Variants in RNF111 observed in about 807,000 individuals in gnomAD.
RNF111 encodes ring finger protein 111, also known as E3 ubiquitin-protein ligase Arkadia.
RNF111 carries 17 observed loss-of-function variants against 95.1 expected under a neutral mutation model. The observed-to-expected ratio is 0.18, with a 90% CI of 0.12 to 0.27. The LOEUF (loss-of-function observed/expected upper bound fraction) is 0.27, where lower values mean the gene tolerates loss of function less well. RNF111 is among the 10% of genes least tolerant of loss of function. RNF111 has a pLI of 1.00. For synonymous variants in RNF111, 440 were observed against 414.8 expected (o/e 1.06, Z -0.74); for missense variants, 1,189 against 1,210.4 (o/e 0.98, Z 0.26).
At chr15:59,018,946 C>G (rs1034835552) in intron 1 of RNF111, among the ~76,000 whole-genome samples, 1 of 151,854 alleles carries the variant, frequency 6.6e-6, no homozygotes, top group East Asian at 1.9e-4. Flanking sequence ...TTTTTTGAGA[C>G]AGCGCCATGC....
At chr15:59,038,973 T>C (rs1330581088) in intron 2 of RNF111, among the ~76,000 whole-genome samples, 1 of 152,164 alleles carries the variant, frequency 6.6e-6, no homozygotes, top group Non-Finnish European at 1.5e-5. Flanking sequence ...AAATATTGAT[T>C]TATTTTTTGA....
chr15:59,047,466 G>T (rs2041766731), intron 2 of RNF111, among the ~76,000 whole-genome samples: 1 of 152,146 alleles, frequency 6.6e-6, no homozygotes, highest in African/African-American at 2.4e-5. Flanking sequence ...TTGTACTCCA[G>T]CCTGGGCATT....
In RNF111 at chr15:58,999,173, A is replaced by G. The variant is rs577040740; in HGVS notation, c.-20+11105A>G. On this transcript the variant is annotated intron_variant, in intron 1 of 13. Coordinates refer to ENST00000348370, the MANE Select transcript of RNF111 (RefSeq NM_017610.8). ...TTTCTTATAATTTAACCAGAACAGC[A>G]TATCATGATAAATGGAATACAGATG... 5.9e-5 allele frequency among the ~76,000 whole-genome samples: 9 copies of G among 152,360 alleles called. No homozygotes were observed. In the South Asian group the frequency reaches 1.9e-3, roughly 32 times the overall value.
At chr15:59,002,758 A>G (rs544677890) in intron 1 of RNF111, among the ~76,000 whole-genome samples, 1 of 152,230 alleles carries the variant, frequency 6.6e-6, no homozygotes, top group South Asian at 2.1e-4. Context: ...TTCTGATGTC[A>G]TTGTGTGCCA....
intron 1 of RNF111, 156 bp downstream of exon 1, chr15:58,988,224 G>C (rs1445546444): frequency 2.0e-5 from 3 of 152,454 alleles, no homozygotes; most frequent in Admixed American, 6.5e-5. Flanking sequence ...GTGACTTAGG[G>C]TCTGGGTCTC....
intron 12 of RNF111, 53 bp downstream of exon 12, chr15:59,091,207 A>AC: frequency 2.1e-6 from 2 of 962,968 alleles, no homozygotes; most frequent in Non-Finnish European, 3.2e-6. Flanking sequence ...GCATAAATGT[A>AC]ATATATACCT....
intron 1 of RNF111, among the ~76,000 whole-genome samples, chr15:59,009,806 A>G (rs1163833873): frequency 6.6e-6 from 1 of 152,064 alleles, no homozygotes; most frequent in Non-Finnish European, 1.5e-5. Context: ...AATTCAAAAA[A>G]TTAGCTGGGC....
rs1350926635 is a variant in RNF111 at position 59,095,760 on chromosome 15, G to T, written c.*860G>T. On this transcript the variant is annotated 3_prime_UTR_variant, in exon 14 of 14. Transcript: ENST00000348370. Reference sequence around the variant, plus strand: ...ACAAAATTTTAGGGAAATTGAAAAAGACATGTAGAATTTGTTGTCTTCTGC... The same window carrying T: ...ACAAAATTTTAGGGAAATTGAAAAATACATGTAGAATTTGTTGTCTTCTGC... The T allele has an allele frequency of 2.8e-6, 1 of 362,474 alleles. No individual in the cohort carries two copies. The highest frequency in any genetic ancestry group is 4.9e-6 in the Non-Finnish European group (1 of 203,996). 22.5% of individuals were successfully genotyped at this position (362,474 alleles called of 1,614,324 possible).
chr15:59,084,934 C>T (rs1465158940), intron 9 of RNF111, among the ~76,000 whole-genome samples: 1 of 151,840 alleles, frequency 6.6e-6, no homozygotes, highest in Non-Finnish European at 1.5e-5. Flanking sequence ...CTTTTCACAT[C>T]TTCTTTATCT....
In RNF111 at chr15:59,032,713, G is replaced by T. The variant is rs76886822; in HGVS notation, c.880+1011G>T. 6.9e-3 allele frequency among the ~76,000 whole-genome samples: 1,054 copies of T among 152,206 alleles called. 10 individuals are homozygous for T. The highest frequency in any genetic ancestry group is 0.024 in the African/African-American group (1,016 of 41,518). ...TTTCTTTAAGTACTATATTCTTGTT[G>T]TTTGCTGTTATCATGTTCTTTATAG... is the stretch of plus-strand genomic sequence containing the variant. On this transcript the variant is annotated intron_variant, in intron 2 of 13. Transcript: ENST00000348370.
chr15:59,061,788 T>G (rs2042448743), intron 5 of RNF111, among the ~76,000 whole-genome samples: 1 of 152,212 alleles, frequency 6.6e-6, no homozygotes, highest in Non-Finnish European at 1.5e-5. Flanking sequence ...GTACACTTGT[T>G]TTTGTCTGTG....
chr15:59,037,489 G>A (rs2041234221), intron 2 of RNF111, among the ~76,000 whole-genome samples: 1 of 152,080 alleles, frequency 6.6e-6, no homozygotes, highest in Non-Finnish European at 1.5e-5. Flanking sequence ...AAAACCTTGG[G>A]TTTCCCAATT....
intron 2 of RNF111, among the ~76,000 whole-genome samples, chr15:59,040,727 A>G (rs2041408105): frequency 6.6e-6 from 1 of 152,218 alleles, no homozygotes; most frequent in African/African-American, 2.4e-5. Context: ...CTAACCTAAT[A>G]CAGTAATTCT....
chr15:59,046,551 T>C (rs1358564762), intron 2 of RNF111, among the ~76,000 whole-genome samples: 3 of 152,216 alleles, frequency 2.0e-5, no homozygotes, highest in African/African-American at 7.2e-5. Flanking sequence ...TTAGACCTTT[T>C]ACCTGTTGTC....
At chr15:59,087,601 A>T (rs1274530082) in intron 10 of RNF111, among the ~76,000 whole-genome samples, 2 of 152,248 alleles carry the variant, frequency 1.3e-5, no homozygotes, top group Non-Finnish European at 2.9e-5. Flanking sequence ...ATGTTAAGAA[A>T]ATTATAAGGA....
At chr15:59,041,630 G>A (rs781548384) in intron 2 of RNF111, among the ~76,000 whole-genome samples, 2 of 152,188 alleles carry the variant, frequency 1.3e-5, no homozygotes, top group Non-Finnish European at 2.9e-5. Context: ...TTGACAGTGT[G>A]TCTTTGGAAT....
intron 2 of RNF111, among the ~76,000 whole-genome samples, chr15:59,037,523 T>G (rs2041235515): frequency 6.6e-6 from 1 of 152,186 alleles, no homozygotes. Flanking sequence ...AGGACTTCTT[T>G]ATACTTTATT....
At chr15:59,089,812 G>GTGTATAGT in intron 11 of RNF111, 53 bp downstream of exon 11, 3 of 1,220,742 alleles carry the variant, frequency 2.5e-6, no homozygotes, top group African/African-American at 1.5e-5. Flanking sequence ...AATGCAGATT[G>GTGTATAGT]AGTATATATA....
intron 5 of RNF111, among the ~76,000 whole-genome samples, chr15:59,064,854 A>G (rs1356558504): frequency 6.6e-6 from 1 of 152,074 alleles, no homozygotes; most frequent in Non-Finnish European, 1.5e-5. Flanking sequence ...TAAGACATGT[A>G]AGAGAGGGCA....
Sources: gnomAD v4.1 joint callset for allele counts (sites outside exome capture counted in the v4.1 genomes callset) on GRCh38, gnomAD v4.1.1 for gene constraint, MANE v1.5 for transcripts, NCBI Gene and HGNC (gene_info 2026-07-23, HGNC 2026-07-21) for gene names.